Variants in CDCP2 observed in about 807,000 individuals in gnomAD.
CDCP2 encodes the protein CUB domain containing protein 2, also known as CUB domain-containing protein 2.
CDCP2 carries 31 observed loss-of-function variants against 31.0 expected under a neutral mutation model. The observed-to-expected ratio is 1.00, with a 90% CI of 0.75 to 1.35. The LOEUF is 1.35. CDCP2 is among the 40% of genes most tolerant of loss of function. The pLI, the probability that CDCP2 is intolerant of heterozygous loss-of-function variation, is 0.00. For missense variants in CDCP2, 443 were observed against 482.6 expected (o/e 0.92, Z 0.77); for synonymous variants, 206 against 207.9 (o/e 0.99, Z 0.08).
chr1:54,152,810 C>T, intron 1 of CDCP2, 34 bp downstream of exon 1: 5 of 1,586,700 alleles, frequency 3.2e-6, no homozygotes, highest in Non-Finnish European at 4.3e-6. Flanking sequence ...ACCTCCTTCC[C>T]CTCTCAGTTC....
At position 54,139,805 on chromosome 1, in the gene CDCP2, C is replaced by A. The variant is rs1433610219; in HGVS notation, c.1065G>T (p.Leu355=). 5 of 1,614,182 alleles carry A rather than the reference C, an allele frequency of 3.1e-6. No homozygotes were observed. In the East Asian group the frequency reaches 8.9e-5, roughly 29 times the overall value. ...TGCGGGTGGTGCTGCGGTCTGTGTG[C>A]AGCAGAAGCAGAAGCTGGTTGTGGC... is the stretch of plus-strand genomic sequence containing the variant. Residue 355 remains leucine (L), a synonymous_variant, in exon 4 of 6, where the codon CTG becomes CTT. Coordinates refer to ENST00000530059, the Ensembl canonical transcript of CDCP2.
At chr1:54,139,757 G>A (rs770854121) in exon 4 of CDCP2, 19 of 1,614,094 alleles carry the variant, frequency 1.2e-5, no homozygotes, top group African/African-American at 2.7e-5. Context: ...GCTGACCTCC[G>A]ATGTAGGCCA....
intron 3 of CDCP2, chr1:54,140,493 AC>A (rs781163737): frequency 1.3e-5 from 4 of 319,394 alleles, no homozygotes; most frequent in Non-Finnish European, 2.4e-5. Context: ...TTTGGTATGT[AC>A]TATGAGCATA....
intron 5 of CDCP2, 95 bp from the exon 6 acceptor site, chr1:54,133,389 C>A: frequency 2.5e-6 from 1 of 397,858 alleles, no homozygotes; most frequent in Non-Finnish European, 4.4e-6. Flanking sequence ...GGGGGCAGAG[C>A]CCGAGGAGCC....
chr1:54,141,143 C>T (rs1292769492), exon 3 of CDCP2: 5 of 1,545,928 alleles, frequency 3.2e-6, no homozygotes, highest in African/African-American at 1.4e-5. Flanking sequence ...ATGTTGAAGT[C>T]GGACTTGAAG....
intron 4 of CDCP2, chr1:54,139,477 CA>C (rs760065854): frequency 3.0e-5 from 45 of 1,519,946 alleles, no homozygotes; most frequent in Non-Finnish European, 3.8e-5. Flanking sequence ...GCCAGGGGCC[CA>C]GGGGGAAGGA....
chr1:54,151,166 G>A (rs1367134451), intron 1 of CDCP2, among the ~76,000 whole-genome samples: 1 of 152,176 alleles, frequency 6.6e-6, no homozygotes, highest in Non-Finnish European at 1.5e-5. Context: ...GAATGGCATA[G>A]ACAAAGGCCC....
At chr1:54,150,798 T>C (rs1248621144) in intron 1 of CDCP2, among the ~76,000 whole-genome samples, 2 of 152,092 alleles carry the variant, frequency 1.3e-5, no homozygotes, top group Non-Finnish European at 1.5e-5. Context: ...CTCATCCAGG[T>C]TGAGTTTCTG....
chr1:54,141,501 C>T lies in CDCP2; in HGVS notation c.428-68G>A, dbSNP rs1659375150. 3 of 1,355,912 alleles carry T rather than the reference C, an allele frequency of 2.2e-6. No homozygotes were observed. The African/African-American group carries it at 4.4e-5, about 20-fold the overall frequency. 84.0% of individuals were successfully genotyped at this position (1,355,912 alleles called of 1,614,324 possible). ...GGCTCCCAGTTTCCTCCCTTGGGAA[C>T]AAGACACTCCAACATGCTGCCCCCA... On this transcript the variant is annotated intron_variant, in intron 2 of 5. Transcript: ENST00000530059.
At chr1:54,136,583 A>T (rs1659261084) in intron 5 of CDCP2, 47 bp downstream of exon 5, 1 of 399,356 alleles carries the variant, frequency 2.5e-6, no homozygotes, top group East Asian at 3.6e-5. Flanking sequence ...GCCTTTCAGC[A>T]GGGTCAGAGT....
chr1:54,133,953 C>T (rs990020746), intron 5 of CDCP2, among the ~76,000 whole-genome samples: 7 of 125,892 alleles, frequency 5.6e-5, no homozygotes, highest in South Asian at 2.8e-4. Context: ...ACTAAGGCCC[C>T]GAGGTTAAAT....
chr1:54,152,477 C>G (rs1342022375), intron 1 of CDCP2, among the ~76,000 whole-genome samples: 1 of 148,252 alleles, frequency 6.7e-6, no homozygotes, highest in African/African-American at 2.5e-5. Flanking sequence ...AAAAAAAAGA[C>G]TCTTTAGCAA....
chr1:54,152,290 C>A (rs111259279), intron 1 of CDCP2, among the ~76,000 whole-genome samples: 23,138 of 151,944 alleles, frequency 0.15, 1,883 homozygotes, highest in Middle Eastern at 0.18. Flanking sequence ...ATGGTGAAAC[C>A]CCATCTCTAC....
exon 3 of CDCP2, chr1:54,141,417 G>A (rs1557707045): frequency 1.9e-6 from 3 of 1,608,402 alleles, no homozygotes; most frequent in African/African-American, 1.3e-5. Context: ...GGCCAGTCAG[G>A]ACGCCGCCAC....
chr1:54,136,162 G>T (rs576131928), intron 5 of CDCP2, among the ~76,000 whole-genome samples: 10 of 152,322 alleles, frequency 6.6e-5, no homozygotes, highest in Admixed American at 2.0e-4. Flanking sequence ...GGATCACCAG[G>T]TTGGGGATGG....
intron 1 of CDCP2, among the ~76,000 whole-genome samples, chr1:54,148,352 TA>T (rs1266080112): frequency 3.4e-5 from 4 of 118,126 alleles, no homozygotes; most frequent in Admixed American, 8.9e-5. Context: ...CCCCAACCTC[TA>T]AAAAAAAAGA....
intron 1 of CDCP2, among the ~76,000 whole-genome samples, chr1:54,148,711 G>T (rs6671168): frequency 1.3e-5 from 2 of 150,914 alleles, no homozygotes; most frequent in Non-Finnish European, 2.9e-5. Flanking sequence ...AAAGATAAAG[G>T]GGGGAAGGAG....
intron 1 of CDCP2, among the ~76,000 whole-genome samples, chr1:54,145,519 G>A (rs1253888171): frequency 6.6e-6 from 1 of 152,202 alleles, no homozygotes; most frequent in African/African-American, 2.4e-5. Flanking sequence ...AAAAGAGACA[G>A]GAAGTGTCAG....
chr1:54,147,841 C>A (rs913883094), intron 1 of CDCP2, among the ~76,000 whole-genome samples: 7 of 150,780 alleles, frequency 4.6e-5, no homozygotes, highest in Admixed American at 3.3e-4. Context: ...AGACCCCCAT[C>A]TCTACAAAAA....
Sources: allele counts gnomAD v4.1 joint callset (sites outside exome capture counted in the v4.1 genomes callset), GRCh38; gene constraint gnomAD v4.1.1; transcripts MANE v1.5; gene names NCBI Gene and HGNC (gene_info 2026-07-23, HGNC 2026-07-21).